SEL1L3: variants seen among roughly 807,000 people sequenced by gnomAD.
The protein encoded by SEL1L3 is SEL1L family member 3.
SEL1L3 carries 76 observed loss-of-function variants against 142.8 expected under a neutral mutation model. The observed-to-expected ratio is 0.53, with a 90% confidence interval of 0.44 to 0.64. SEL1L3 has a LOEUF of 0.64. Ranked by LOEUF, SEL1L3 falls within the 30% of genes least tolerant of loss-of-function variation. SEL1L3 has a pLI of 0.00. For synonymous variants in SEL1L3, 504 were observed against 519.6 expected (o/e 0.97, Z 0.41); for missense variants, 1,262 against 1,381.7 (o/e 0.91, Z 1.37).
intron 19 of SEL1L3, among the ~76,000 whole-genome samples, chr4:25,766,536 GA>G (rs1560283550): frequency 6.6e-6 from 1 of 152,134 alleles, no homozygotes; most frequent in Non-Finnish European, 1.5e-5. Flanking sequence ...TCATCATGGG[GA>G]AGTAGTTACT....
chr4:25,765,157 G>A (rs1292625296), intron 20 of SEL1L3, among the ~76,000 whole-genome samples, 169 bp downstream of exon 20: 1 of 152,090 alleles, frequency 6.6e-6, no homozygotes, highest in Non-Finnish European at 1.5e-5. Flanking sequence ...ACCACACCCA[G>A]CTAATTTTTG....
rs1471640350 is a variant in SEL1L3 at position 25,802,416 on chromosome 4, G to C, written c.1823C>G (p.Ser608Cys). 1 of 1,613,852 alleles carries C rather than the reference G, an allele frequency of 6.2e-7. No homozygotes were observed. The highest frequency in any genetic ancestry group is 8.5e-7 in the Non-Finnish European group (1 of 1,179,828). Residue 608 changes from serine to cysteine, a missense_variant, in exon 11 of 24, where the codon TCT becomes TGT. By Grantham distance (112) the Ser-to-Cys change is moderately radical. Transcript: ENST00000399878. ...LVGGQGSERL[S>C]SMNLGYKHYQ... is the part of the protein sequence containing the mutation. ...GTGTTTATACCCAAGATTCATTGAAGACAGCCTCTCACTCCCCTGGCCTCC... is the reference window on the plus strand; with the variant it reads ...GTGTTTATACCCAAGATTCATTGAACACAGCCTCTCACTCCCCTGGCCTCC...
the SEL1L3 span, among the ~76,000 whole-genome samples, chr4:25,722,302 T>G: frequency 1.3e-5 from 2 of 152,164 alleles, no homozygotes; most frequent in Non-Finnish European, 2.9e-5. Flanking sequence ...GGACGTTACC[T>G]TCACAAGATA....
chr4:25,757,333 C>T lies in SEL1L3; in HGVS notation c.3259+201G>A, dbSNP rs183604926. Among the ~76,000 whole-genome samples the T allele has an allele frequency of 1.7e-3, 254 of 151,412 alleles. 2 individuals are homozygous for T. The highest frequency in any genetic ancestry group is 9.7e-4 in the Non-Finnish European group (66 of 67,800). ...GAAAAATACAATAGTAACTTTGTGG[C>T]CTCCCACCGGCCAGGAATTTCATAC... is the stretch of plus-strand genomic sequence containing the variant. On this transcript the variant is annotated intron_variant, in intron 23 of 23. Transcript: ENST00000399878.
intron 2 of SEL1L3, among the ~76,000 whole-genome samples, chr4:25,846,466 G>T (rs538317766): frequency 1.3e-5 from 2 of 152,266 alleles, no homozygotes; most frequent in East Asian, 1.9e-4. Context: ...GAAAACTGAG[G>T]CTCAGAGACT....
At position 25,788,283 on chromosome 4, in the gene SEL1L3, C is replaced by A; in HGVS notation, c.2158G>T (p.Gly720Cys). Residue 720 changes from glycine (G) to cysteine (C), a missense_variant, in exon 13 of 24, where the codon GGC (glycine) becomes TGC (cysteine). Around this residue, in one of 3 missense-constraint regions of SEL1L3, gnomAD observed 435 missense variants for 559.2 expected, o/e 0.78. Coordinates refer to ENST00000399878, the MANE Select transcript of SEL1L3 (RefSeq NM_015187.5). The surrounding 1 kb of genome is among the most constrained non-coding windows in gnomAD (Gnocchi z 5.3). ...PEAAIEWYAK[G>C]ALETEDPALI... ...GCAGGATCCTCCGTCTCCAGGGCGC[C>A]CTTGGCGTACCACTCAATTGCTGCT... is the stretch of plus-strand genomic sequence containing the variant. The A allele has an allele frequency of 6.2e-7, 1 of 1,613,968 alleles. No individual in the cohort carries two copies. The highest frequency in any genetic ancestry group is 8.5e-7 in the Non-Finnish European group (1 of 1,179,864).
intron 2 of SEL1L3, among the ~76,000 whole-genome samples, chr4:25,844,675 T>A (rs974711839): frequency 6.6e-6 from 1 of 152,204 alleles, no homozygotes; most frequent in African/African-American, 2.4e-5. Flanking sequence ...AAATACATGA[T>A]TTGTCAAATA....
At chr4:25,840,385 A>T (rs2109298445) in intron 2 of SEL1L3, among the ~76,000 whole-genome samples, 1 of 152,316 alleles carries the variant, frequency 6.6e-6, no homozygotes, top group East Asian at 1.9e-4. Context: ...GTCCTGCTGC[A>T]TAAACCATTT....
rs1714798918 is a variant in SEL1L3 at position 25,822,075 on chromosome 4, C to A, written c.1211G>T (p.Gly404Val). 1 of 1,613,788 alleles carries A rather than the reference C, an allele frequency of 6.2e-7. No individual in the cohort carries two copies. Among genetic ancestry groups the A allele is most frequent in the Admixed American group, 1.7e-5 (1 of 60,010 alleles). Reference protein sequence around the residue: ...NDTAGYFIIGGSRYVAGIEGF... With the variant: ...NDTAGYFIIGVSRYVAGIEGF... ...TTCAATGCCAGCCACATACCTGCTCCCTCCAATAATGAAGTACCCAGCTGT... is the reference window on the plus strand; with the variant it reads ...TTCAATGCCAGCCACATACCTGCTCACTCCAATAATGAAGTACCCAGCTGT... The change falls in exon 7 of 24, where the codon GGG becomes GTG. Residue 404 changes from glycine (G) to valine (V), a missense_variant. Gly to Val is a moderately radical substitution (Grantham distance 109). Around this residue, in one of 3 missense-constraint regions of SEL1L3, gnomAD observed 689 missense variants for 692.8 expected, o/e 0.99. Coordinates refer to ENST00000399878, the MANE Select transcript of SEL1L3 (RefSeq NM_015187.5).
intron 11 of SEL1L3, among the ~76,000 whole-genome samples, chr4:25,795,686 C>T (rs1712686385): frequency 6.6e-6 from 1 of 152,188 alleles, no homozygotes; most frequent in South Asian, 2.1e-4. Flanking sequence ...CCTGGAGCCA[C>T]CACACGCTGC....
intron 2 of SEL1L3, among the ~76,000 whole-genome samples, chr4:25,839,872 C>T (rs1716063891): frequency 6.6e-6 from 1 of 152,174 alleles, no homozygotes; most frequent in Non-Finnish European, 1.5e-5. Context: ...CAGCTACATC[C>T]CAAGGCCTCC....
intron 2 of SEL1L3, among the ~76,000 whole-genome samples, chr4:25,837,624 C>T (rs1715919054): frequency 6.6e-6 from 1 of 152,022 alleles, no homozygotes; most frequent in Non-Finnish European, 1.5e-5. Context: ...AAATCTGTAG[C>T]TTTGCGATGT....
intron 21 of SEL1L3, among the ~76,000 whole-genome samples, chr4:25,758,510 T>G (rs771085550): frequency 6.6e-6 from 1 of 152,120 alleles, no homozygotes; most frequent in Non-Finnish European, 1.5e-5. Flanking sequence ...CTAATCGGAT[T>G]GTTATTCTTT....
At chr4:25,769,320 G>A (rs1162178087) in intron 17 of SEL1L3, among the ~76,000 whole-genome samples, 1 of 152,172 alleles carries the variant, frequency 6.6e-6, no homozygotes, top group African/African-American at 2.4e-5. Flanking sequence ...AGTCAGACAT[G>A]CTGCAGGTCA....
At chr4:25,746,001 G>A (rs993602743), downstream of SEL1L3, among the ~76,000 whole-genome samples, 1 of 152,268 alleles carries the variant, frequency 6.6e-6, no homozygotes, top group East Asian at 1.9e-4. Context: ...CCATATTTAG[G>A]ACCTGATATA....
chr4:25,834,091 T>C (rs1198366293), intron 3 of SEL1L3, among the ~76,000 whole-genome samples: 1 of 152,242 alleles, frequency 6.6e-6, no homozygotes, highest in African/African-American at 2.4e-5. Context: ...TATGCTATTT[T>C]CATGCTCAGA....
chr4:25,756,457 CA>C (rs1717968624), intron 23 of SEL1L3: 1 of 985,198 alleles, frequency 1.0e-6, no homozygotes, highest in African/African-American at 1.7e-5. Context: ...CTACAGCCGT[CA>C]TTTTGGTAAG....
chr4:25,736,004 T>C, the SEL1L3 span, among the ~76,000 whole-genome samples: 1 of 151,556 alleles, frequency 6.6e-6, no homozygotes, highest in Admixed American at 6.6e-5. Flanking sequence ...TAATATTGTG[T>C]ATTTTTAGTA....
intron 17 of SEL1L3, among the ~76,000 whole-genome samples, chr4:25,775,916 G>A (rs1719582531): frequency 6.6e-6 from 1 of 152,052 alleles, no homozygotes. Flanking sequence ...TGGACTTTCT[G>A]TGGCCTGGAA....
Sources: gnomAD v4.1 joint callset for allele counts (sites outside exome capture counted in the v4.1 genomes callset) on GRCh38, gnomAD v4.1.1 for gene constraint, gnomAD v4.1.1 regional missense constraint, Gnocchi (gnomAD v3.1) non-coding constraint, MANE v1.5 for transcripts, NCBI Gene and HGNC (gene_info 2026-07-23, HGNC 2026-07-21) for gene names.